The following C12orf75 variants were observed in gnomAD, a reference collection of about 807,000 sequenced individuals.
C12orf75 encodes the protein overexpressed in colon carcinoma 1 protein.
A neutral mutation model predicts 11.4 loss-of-function variants in C12orf75; 4 were observed. That is an observed-to-expected ratio of 0.35 (90% CI 0.17 to 0.80). The LOEUF is 0.80. C12orf75 is among the 30% of genes least tolerant of loss of function. The pLI is 0.52. For synonymous variants in C12orf75, 30 were observed against 30.0 expected, an observed-to-expected ratio of 1.00 and a Z score of 0.00; for missense variants, 89 against 80.4, an observed-to-expected ratio of 1.11 and a Z score of -0.41.
At position 105,370,960 on chromosome 12, in the gene C12orf75, A is replaced by G. The variant is rs1566144662; in HGVS notation, c.*360A>G. On this transcript the variant is annotated 3_prime_UTR_variant, in exon 6 of 6. Coordinates refer to ENST00000443585, the MANE Select transcript of C12orf75 (RefSeq NM_001145199.2). ...CATTTCATGGAGGTCATGTCTTTTC[A>G]CTGATACTTTTTTGATAGTTTTTAT... 12 of 222,830 alleles carry G rather than the reference A, an allele frequency of 5.4e-5. No individual in the cohort carries two copies. In the South Asian group the frequency reaches 7.3e-4, roughly 14 times the overall value. 13.8% of individuals were successfully genotyped at this position (222,830 alleles called of 1,614,324 possible). A position where few individuals can be genotyped will look rare whatever the true frequency, so the allele number is the denominator to read the frequency against.
chr12:105,348,473 C>A, intron 1 of C12orf75, 129 bp from the exon 2 acceptor site: 1 of 369,212 alleles, frequency 2.7e-6, no homozygotes, highest in Non-Finnish European at 4.8e-6. Context: ...CCTCCTTTCT[C>A]TGTTTTTGAA....
intron 2 of C12orf75, among the ~76,000 whole-genome samples, chr12:105,350,583 G>A (rs1892699717): frequency 6.6e-6 from 1 of 152,206 alleles, no homozygotes; most frequent in South Asian, 2.1e-4. Context: ...TGCATAGTGT[G>A]TCTTTCTCCT....
intron 1 of C12orf75, among the ~76,000 whole-genome samples, chr12:105,338,738 G>A (rs970968016): frequency 3.9e-5 from 6 of 152,020 alleles, no homozygotes; most frequent in African/African-American, 1.4e-4. Flanking sequence ...GAGAAGGGAG[G>A]GAGGTGCCAG....
chr12:105,361,351 C>T (rs1892862875), intron 2 of C12orf75, among the ~76,000 whole-genome samples: 2 of 151,904 alleles, frequency 1.3e-5, no homozygotes, highest in African/African-American at 4.8e-5. Flanking sequence ...ATGGGGCAGC[C>T]CTGTTGTTTG....
chr12:105,334,423 A>C (rs995351658), intron 1 of C12orf75, among the ~76,000 whole-genome samples: 1 of 152,260 alleles, frequency 6.6e-6, no homozygotes, highest in Non-Finnish European at 1.5e-5. Context: ...CAGTTAAATC[A>C]GAGAAGTCCT....
At chr12:105,364,274 A>C (rs1287686657) in intron 2 of C12orf75, among the ~76,000 whole-genome samples, 2 of 152,220 alleles carry the variant, frequency 1.3e-5, no homozygotes, top group Non-Finnish European at 2.9e-5. Flanking sequence ...ACTCTCTCTT[A>C]TACCACATCA....
intron 2 of C12orf75, among the ~76,000 whole-genome samples, chr12:105,362,011 G>A (rs957123645): frequency 1.3e-5 from 2 of 152,196 alleles, no homozygotes; most frequent in Non-Finnish European, 2.9e-5. Flanking sequence ...AGCAGTTAGA[G>A]GTTGTTTCTC....
At chr12:105,333,811 T>C (rs1377627633) in intron 1 of C12orf75, among the ~76,000 whole-genome samples, 1 of 152,222 alleles carries the variant, frequency 6.6e-6, no homozygotes, top group Non-Finnish European at 1.5e-5. Flanking sequence ...TGGTTTTCCT[T>C]GAATATTTTT....
At chr12:105,331,587 A>T (rs1892424640) in intron 1 of C12orf75, among the ~76,000 whole-genome samples, 1 of 92,570 alleles carries the variant, frequency 1.1e-5, no homozygotes, top group African/African-American at 5.2e-5. Flanking sequence ...GATACTTTTC[A>T]TTAAACACAC....
At chr12:105,366,218 C>T (rs749699225) in intron 3 of C12orf75, 23 of 295,590 alleles carry the variant, frequency 7.8e-5, no homozygotes, top group Non-Finnish European at 1.1e-4. Context: ...TTTTGTATCT[C>T]TCTATTAGTA....
intron 2 of C12orf75, among the ~76,000 whole-genome samples, chr12:105,362,001 A>G (rs1200786880): frequency 6.6e-6 from 1 of 152,244 alleles, no homozygotes; most frequent in African/African-American, 2.4e-5. Context: ...GGTCCCTGGC[A>G]GCAGTTAGAG....
At chr12:105,359,187 G>A (rs1892825786) in intron 2 of C12orf75, among the ~76,000 whole-genome samples, 1 of 152,202 alleles carries the variant, frequency 6.6e-6, no homozygotes, top group Admixed American at 6.5e-5. Context: ...TTGGGGCCAG[G>A]CCAGAAGTGG....
chr12:105,330,764 A>G lies in C12orf75; in HGVS notation c.-128A>G, dbSNP rs1481199682. The G allele has an allele frequency of 3.4e-5, 33 of 965,792 alleles. No homozygotes were observed. Among genetic ancestry groups the G allele is most frequent in the Non-Finnish European group, 4.2e-5 (32 of 759,926 alleles). The allele number at this position is 965,792 out of a possible 1,614,324, so 59.8% of individuals were successfully genotyped here. A position where few individuals can be genotyped will look rare whatever the true frequency, so the allele number is the denominator to read the frequency against. ...CCGGCGGTGGGAGGGGGCGGCCCCC[A>G]CTCGGTTCCTGGCCCCTCGCGGCCC... is the stretch of plus-strand genomic sequence containing the variant. On this transcript the variant is annotated 5_prime_UTR_variant, in exon 1 of 6. Coordinates refer to ENST00000443585, the MANE Select transcript of C12orf75 (RefSeq NM_001145199.2).
At chr12:105,352,895 C>A (rs552342995) in intron 2 of C12orf75, among the ~76,000 whole-genome samples, 5 of 152,156 alleles carry the variant, frequency 3.3e-5, no homozygotes, top group Admixed American at 2.6e-4. Context: ...GCCTATTTTT[C>A]CCTCTCTTTC....
At chr12:105,364,329 A>G (rs1300514092) in intron 2 of C12orf75, among the ~76,000 whole-genome samples, 1 of 152,272 alleles carries the variant, frequency 6.6e-6, no homozygotes, top group Non-Finnish European at 1.5e-5. Context: ...TGAACTAAAA[A>G]AACAATCCAG....
chr12:105,332,260 G>A (rs1389280189), intron 1 of C12orf75, among the ~76,000 whole-genome samples: 1 of 152,222 alleles, frequency 6.6e-6, no homozygotes, highest in African/African-American at 2.4e-5. Flanking sequence ...TCCACTGCAT[G>A]TGTAGCCTAC....
At chr12:105,340,582 AAG>A (rs1356717692) in intron 1 of C12orf75, among the ~76,000 whole-genome samples, 3 of 152,124 alleles carry the variant, frequency 2.0e-5, no homozygotes, top group Non-Finnish European at 4.4e-5. Context: ...TGTATTTTAA[AAG>A]AGAGTATTTT....
chr12:105,347,339 A>G (rs755138645), intron 1 of C12orf75, among the ~76,000 whole-genome samples: 1 of 152,226 alleles, frequency 6.6e-6, no homozygotes, highest in African/African-American at 2.4e-5. Flanking sequence ...AAGTTTCACA[A>G]TAGGCCGTCT....
chr12:105,355,081 G>A lies in C12orf75; in HGVS notation c.71+6455G>A, dbSNP rs561188029. Among the ~76,000 whole-genome samples the A allele has an allele frequency of 2.0e-3, 307 of 152,180 alleles. 1 individual carries two copies. The highest frequency in any genetic ancestry group is 0.01 in the Middle Eastern group (3 of 294). ...GGAGCAGCCATCGGAGTATGTTAGC[G>A]GAGCAGCACAGAAGTTGTTGGGATA... is the stretch of plus-strand genomic sequence containing the variant. On this transcript the variant is annotated intron_variant, in intron 2 of 5. Coordinates refer to ENST00000443585, the MANE Select transcript of C12orf75 (RefSeq NM_001145199.2).
Sources: gnomAD v4.1 joint callset for allele counts (sites outside exome capture counted in the v4.1 genomes callset) on GRCh38, gnomAD v4.1.1 for gene constraint, MANE v1.5 for transcripts, NCBI Gene and HGNC (gene_info 2026-07-23, HGNC 2026-07-21) for gene names.